The following SCN8A variants were observed in gnomAD, a reference collection of about 807,000 sequenced individuals.
SCN8A encodes the protein sodium voltage-gated channel alpha subunit 8.
A neutral mutation model predicts 184.1 loss-of-function variants in SCN8A; 30 were observed. The observed-to-expected ratio is 0.16, with a 90% CI of 0.12 to 0.22. The LOEUF (loss-of-function observed/expected upper bound fraction) is 0.22, where lower values mean the gene tolerates loss of function less well. Among genes scored for constraint, SCN8A ranks in the 10% least tolerant of loss-of-function variants. SCN8A has a pLI of 1.00. For missense variants in SCN8A, 1,057 were observed against 2,498.9 expected (o/e 0.42, Z 12.30); for synonymous variants, 852 against 907.0 (o/e 0.94, Z 1.09).
chr12:51,648,962 T>C (rs533293184), intron 1 of SCN8A, among the ~76,000 whole-genome samples: 25 of 152,204 alleles, frequency 1.6e-4, no homozygotes, highest in Non-Finnish European at 2.5e-4. Context: ...CCTATGAGCC[T>C]GTAAAATCAA....
Position 51,651,561 on chromosome 12 carries a change from T to C in SCN8A, c.-54-11203T>C, listed in dbSNP as rs148315558. Among the ~76,000 whole-genome samples, 1,229 of 152,282 alleles carry C rather than the reference T, an allele frequency of 8.1e-3. 9 individuals are homozygous for C. Among genetic ancestry groups the C allele is most frequent in the African/African-American group, 0.027 (1,127 of 41,536 alleles). ...GAAAAGATGCAAAAGCAGAAACCCC[T>C]GATAAAACCATCAGATCTCAGGAGA... On this transcript the variant is annotated intron_variant, in intron 1 of 26. Transcript: ENST00000627620.
At chr12:51,734,710 C>T (rs1334114345) in intron 12 of SCN8A, among the ~76,000 whole-genome samples, 3 of 152,240 alleles carry the variant, frequency 2.0e-5, no homozygotes, top group Admixed American at 1.3e-4. Flanking sequence ...TTGCTCCCAA[C>T]GTGTCTCCCT....
chr12:51,796,801 A>G (rs996300598), intron 26 of SCN8A, among the ~76,000 whole-genome samples: 1 of 152,220 alleles, frequency 6.6e-6, no homozygotes, highest in Non-Finnish European at 1.5e-5. Context: ...CAAGAGTCTA[A>G]AAGCTGAAGA....
intron 20 of SCN8A, among the ~76,000 whole-genome samples, chr12:51,777,377 A>G (rs2138884578): frequency 6.6e-6 from 1 of 152,244 alleles, no homozygotes; most frequent in South Asian, 2.1e-4. Flanking sequence ...TTCTCACCTC[A>G]GCCTCCTGAG....
intron 14 of SCN8A, among the ~76,000 whole-genome samples, chr12:51,756,837 G>T (rs1942682900): frequency 6.6e-6 from 1 of 152,314 alleles, no homozygotes; most frequent in Non-Finnish European, 1.5e-5. Context: ...AGGAGGAAGG[G>T]GATGGAAAGA....
chr12:51,765,275 G>A (rs1942820977), intron 15 of SCN8A, among the ~76,000 whole-genome samples: 1 of 151,726 alleles, frequency 6.6e-6, no homozygotes, highest in South Asian at 2.1e-4. Context: ...TTTTTAAACT[G>A]TCCTTCCCAT....
intron 1 of SCN8A, among the ~76,000 whole-genome samples, chr12:51,613,147 TAAGA>T (rs956951329): frequency 5.3e-5 from 8 of 152,320 alleles, no homozygotes; most frequent in African/African-American, 1.9e-4. Context: ...ACTGACCTTA[TAAGA>T]TAAGTTGGGA....
intron 6 of SCN8A, among the ~76,000 whole-genome samples, chr12:51,693,144 G>A (rs571468469): frequency 2.1e-4 from 32 of 152,232 alleles, no homozygotes; most frequent in African/African-American, 5.5e-4. Context: ...TTCTTTAAAC[G>A]TATACTTTGT....
At chr12:51,762,379 C>G (rs1942775182) in intron 14 of SCN8A, 124 bp from the exon 15 acceptor site, 1 of 886,618 alleles carries the variant, frequency 1.1e-6, no homozygotes, top group Non-Finnish European at 1.7e-6. Context: ...TTGATATCTT[C>G]AGATGCAGAA....
intron 1 of SCN8A, among the ~76,000 whole-genome samples, chr12:51,614,833 C>T (rs1939799232): frequency 7.1e-6 from 1 of 140,716 alleles, no homozygotes; most frequent in Non-Finnish European, 1.6e-5. Context: ...TCTTCTTATT[C>T]CTTTTTGAAA....
chr12:51,650,586 G>A (rs1442085880), intron 1 of SCN8A, among the ~76,000 whole-genome samples: 2 of 149,748 alleles, frequency 1.3e-5, no homozygotes, highest in African/African-American at 4.9e-5. Flanking sequence ...CTTGTTGGGA[G>A]CAGGCCCCCC....
chr12:51,713,279 C>T, intron 11 of SCN8A: 2 of 1,151,450 alleles, frequency 1.7e-6, no homozygotes, highest in Non-Finnish European at 2.6e-6. Flanking sequence ...CTAGAAACAG[C>T]TCTCTTTGGT....
chr12:51,758,706 G>T (rs1309749080), intron 14 of SCN8A, among the ~76,000 whole-genome samples: 1 of 152,178 alleles, frequency 6.6e-6, no homozygotes, highest in African/African-American at 2.4e-5. Flanking sequence ...CCAAAGTGCT[G>T]GGATTATAGG....
chr12:51,768,308 A>G (rs1274847354), intron 16 of SCN8A: 1 of 152,254 alleles, frequency 6.6e-6, no homozygotes, highest in African/African-American at 2.4e-5. Context: ...AGTCACCATC[A>G]CTGTCTTGCT....
At position 51,644,683 on chromosome 12, in the gene SCN8A, C is replaced by T. The variant is rs868539497; in HGVS notation, c.-54-18081C>T. Among the ~76,000 whole-genome samples, 259 of 151,490 alleles carry T rather than the reference C, an allele frequency of 1.7e-3. 1 individual carries two copies. The highest frequency in any genetic ancestry group is 0.014 in the Middle Eastern group (4 of 294). Reference sequence around the variant, plus strand: ...CCGTCTGGGAAGTGAGGAGCGTCTCCGCCTGGCCGCCCATCGTCTGGGATG... The same window carrying T: ...CCGTCTGGGAAGTGAGGAGCGTCTCTGCCTGGCCGCCCATCGTCTGGGATG... On this transcript the variant is annotated intron_variant, in intron 1 of 26. Transcript: ENST00000627620.
chr12:51,772,510 A>G (rs1942941306), intron 19 of SCN8A, among the ~76,000 whole-genome samples: 1 of 152,080 alleles, frequency 6.6e-6, no homozygotes, highest in Non-Finnish European at 1.5e-5. Context: ...GTGACATGAG[A>G]TCAGTCTTGG....
chr12:51,724,939 C>T (rs1942133435), intron 12 of SCN8A, among the ~76,000 whole-genome samples: 1 of 152,100 alleles, frequency 6.6e-6, no homozygotes, highest in African/African-American at 2.4e-5. Flanking sequence ...GAATGTAAGG[C>T]TTTCTGTACT....
chr12:51,673,001 A>G lies in SCN8A; in HGVS notation c.276+9908A>G, dbSNP rs372265753. ...CCATGCCCTGCTGTCTATATAGAGC[A>G]TATTGCAGGATGATTTTTTTGGTTT... On this transcript the variant is annotated intron_variant, in intron 2 of 26. Transcript: ENST00000627620. Among the ~76,000 whole-genome samples, 73 of 152,276 alleles carry G rather than the reference A, an allele frequency of 4.8e-4. 2 individuals are homozygous for G. In the South Asian group the frequency reaches 0.015, roughly 32 times the overall value.
At chr12:51,691,184 G>A (rs1941500063) in intron 6 of SCN8A, among the ~76,000 whole-genome samples, 1 of 152,032 alleles carries the variant, frequency 6.6e-6, no homozygotes, top group Admixed American at 6.5e-5. Context: ...TTCCCTCAGC[G>A]TACTCTGCAA....
Sources: allele counts gnomAD v4.1 joint callset (sites outside exome capture counted in the v4.1 genomes callset), GRCh38; gene constraint gnomAD v4.1.1; transcripts MANE v1.5; gene names NCBI Gene and HGNC (gene_info 2026-07-23, HGNC 2026-07-21).